The following SNTG1 variants were observed in gnomAD, a reference collection of about 807,000 sequenced individuals.
SNTG1 encodes gamma-1-syntrophin.
SNTG1 carries 39 observed loss-of-function variants against 74.7 expected under a neutral mutation model. The observed-to-expected ratio is 0.52, with a 90% confidence interval of 0.40 to 0.68. The LOEUF is 0.68. Among genes scored for constraint, SNTG1 ranks in the 30% least tolerant of loss-of-function variants. SNTG1 has a pLI of 0.00. For synonymous variants in SNTG1, 254 were observed against 217.1 expected, an observed-to-expected ratio of 1.17 and a Z score of -1.49; for missense variants, 685 against 609.5, an observed-to-expected ratio of 1.12 and a Z score of -1.30.
chr8:50,318,163 A>T (rs919304404), intron 2 of SNTG1, among the ~76,000 whole-genome samples: 3 of 152,068 alleles, frequency 2.0e-5, no homozygotes, highest in Non-Finnish European at 4.4e-5. Flanking sequence ...TAATTACTAC[A>T]GGCTTGTCTT....
At chr8:50,595,456 T>C (rs1026744536) in intron 13 of SNTG1, among the ~76,000 whole-genome samples, 2 of 152,090 alleles carry the variant, frequency 1.3e-5, no homozygotes, top group South Asian at 2.1e-4. Context: ...CCTAATTATG[T>C]AAAAATTTAT....
intron 1 of SNTG1, among the ~76,000 whole-genome samples, chr8:49,961,252 A>C (rs1810657376): frequency 6.6e-6 from 1 of 152,234 alleles, no homozygotes; most frequent in African/African-American, 2.4e-5. Context: ...CAAAAATCAT[A>C]TGCAGCAATG....
rs567691280 is a variant in SNTG1 at position 49,937,087 on chromosome 8, T to C, written c.-103+24856T>C. On this transcript the variant is annotated intron_variant, in intron 1 of 18. Coordinates refer to ENST00000642720, the MANE Select transcript of SNTG1 (RefSeq NM_018967.5). ...CCGCTTGAACCCGGGAGGCGGAGGT[T>C]GCAGTGAGCCAAGATAGCGCCACTG... 2.1e-4 allele frequency among the ~76,000 whole-genome samples: 32 copies of C among 152,284 alleles called. 1 individual carries two copies. The East Asian group carries it at 6.2e-3, about 29-fold the overall frequency.
At chr8:50,525,891 A>G (rs2094215842) in intron 9 of SNTG1, among the ~76,000 whole-genome samples, 1 of 151,230 alleles carries the variant, frequency 6.6e-6, no homozygotes, top group African/African-American at 2.4e-5. Context: ...CTGTTGCTTC[A>G]TATGTCTGTG....
At chr8:50,596,384 A>C (rs935931786) in intron 13 of SNTG1, among the ~76,000 whole-genome samples, 13 of 152,064 alleles carry the variant, frequency 8.5e-5, no homozygotes, top group African/African-American at 3.1e-4. Context: ...ACAGGAAATA[A>C]ATTTTCAACT....
At chr8:50,629,785 T>C (rs2094983477) in intron 13 of SNTG1, among the ~76,000 whole-genome samples, 2 of 152,218 alleles carry the variant, frequency 1.3e-5, no homozygotes, top group South Asian at 4.1e-4. Context: ...ATGTAAACTA[T>C]AAATTCCTTA....
chr8:50,046,513 G>A (rs1477278563), intron 1 of SNTG1, among the ~76,000 whole-genome samples: 1 of 152,130 alleles, frequency 6.6e-6, no homozygotes, highest in Non-Finnish European at 1.5e-5. Context: ...CAAATGGTAA[G>A]TTAATTCTAC....
chr8:50,732,165 T>G (rs1233940108), intron 17 of SNTG1, among the ~76,000 whole-genome samples: 1 of 152,018 alleles, frequency 6.6e-6, no homozygotes, highest in Non-Finnish European at 1.5e-5. Context: ...CTGTTCACTC[T>G]TAAAAGTACA....
intron 13 of SNTG1, among the ~76,000 whole-genome samples, chr8:50,611,565 T>G (rs2094850112): frequency 6.6e-6 from 1 of 152,184 alleles, no homozygotes; most frequent in African/African-American, 2.4e-5. Context: ...TTATACACCA[T>G]AGTAAATTTA....
intron 11 of SNTG1, among the ~76,000 whole-genome samples, chr8:50,549,668 TG>T (rs1330582134): frequency 1.3e-5 from 2 of 152,176 alleles, no homozygotes. Flanking sequence ...ACCAACTTCA[TG>T]GATTGCCTCT....
intron 2 of SNTG1, among the ~76,000 whole-genome samples, chr8:50,377,909 A>G (rs1238754807): frequency 6.6e-6 from 1 of 152,228 alleles, no homozygotes; most frequent in Non-Finnish European, 1.5e-5. Flanking sequence ...AACTGGTCAA[A>G]ACTGAGTTAA....
chr8:50,769,616 C>T (rs887536106), intron 18 of SNTG1, among the ~76,000 whole-genome samples: 3 of 151,976 alleles, frequency 2.0e-5, no homozygotes, highest in African/African-American at 7.2e-5. Flanking sequence ...ATTATTTGCA[C>T]AATAAAGTAA....
intron 15 of SNTG1, among the ~76,000 whole-genome samples, chr8:50,698,908 C>T (rs1324025859): frequency 6.6e-6 from 1 of 152,158 alleles, no homozygotes; most frequent in Non-Finnish European, 1.5e-5. Flanking sequence ...GGAATTTACT[C>T]TCTTCTCATT....
At chr8:50,061,425 G>A (rs1820462880) in intron 1 of SNTG1, among the ~76,000 whole-genome samples, 1 of 151,764 alleles carries the variant, frequency 6.6e-6, no homozygotes, top group Non-Finnish European at 1.5e-5. Flanking sequence ...TGTCATTTGT[G>A]CTAACAGTTT....
chr8:50,097,093 C>T (rs553693205), intron 1 of SNTG1, among the ~76,000 whole-genome samples: 73 of 152,126 alleles, frequency 4.8e-4, no homozygotes, highest in African/African-American at 1.7e-3. Context: ...CCTCAGCCTC[C>T]CAAGTAGCTG....
At chr8:50,646,854 T>G (rs1307789317) in intron 13 of SNTG1, among the ~76,000 whole-genome samples, 1 of 152,078 alleles carries the variant, frequency 6.6e-6, no homozygotes. Context: ...AGTGTTGTAT[T>G]CAGTGAGAAG....
At chr8:50,520,533 G>C (rs532749456) in intron 9 of SNTG1, among the ~76,000 whole-genome samples, 1 of 149,540 alleles carries the variant, frequency 6.7e-6, no homozygotes, top group South Asian at 2.1e-4. Context: ...AAAAGGCAAA[G>C]GCTGATATCC....
intron 1 of SNTG1, among the ~76,000 whole-genome samples, chr8:49,973,620 T>C (rs925321520): frequency 1.3e-5 from 2 of 151,980 alleles, no homozygotes; most frequent in South Asian, 2.1e-4. Flanking sequence ...CAGTGTATCT[T>C]ATAGAATTAG....
chr8:50,670,404 A>G (rs1007430013), intron 15 of SNTG1, among the ~76,000 whole-genome samples: 5 of 151,872 alleles, frequency 3.3e-5, no homozygotes, highest in Non-Finnish European at 7.3e-5. Context: ...AATAATAGAC[A>G]AACAGAGAGC....
Sources: gnomAD v4.1 joint callset for allele counts (sites outside exome capture counted in the v4.1 genomes callset) on GRCh38, gnomAD v4.1.1 for gene constraint, MANE v1.5 for transcripts, NCBI Gene and HGNC (gene_info 2026-07-23, HGNC 2026-07-21) for gene names.